The following RARB variants were observed in gnomAD, a reference collection of about 807,000 sequenced individuals.
RARB encodes the protein retinoic acid receptor beta, also known as HBV-activated protein.
RARB carries 17 observed loss-of-function variants against 51.9 expected under a neutral mutation model. The ratio of observed to expected loss-of-function variants is 0.33; its 90% CI spans 0.22 to 0.49. The LOEUF is 0.49. Among genes scored for constraint, RARB ranks in the 20% least tolerant of loss-of-function variants. The pLI is 0.99. For missense variants in RARB, 369 were observed against 550.8 expected, an observed-to-expected ratio of 0.67 and a Z score of 3.30; for synonymous variants, 215 against 195.4, an observed-to-expected ratio of 1.10 and a Z score of -0.84.
rs78996393 is a variant in RARB at position 25,480,518 on chromosome 3, C to G, written c.306+19177C>G. On this transcript the variant is annotated intron_variant, in intron 2 of 7. Coordinates refer to ENST00000330688, the MANE Select transcript of RARB (RefSeq NM_000965.5). ...GGTAGCTAAGGTAACTAACTCCCAT[C>G]TTTAACATTATCTGATTCACTAGTC... Among the ~76,000 whole-genome samples, 211 of 152,258 alleles carry G rather than the reference C, an allele frequency of 1.4e-3. 7 individuals carry two copies. The East Asian group carries it at 0.038, about 27-fold the overall frequency.
intron 1 of RARB, among the ~76,000 whole-genome samples, chr3:25,444,695 C>T (rs1370289391): frequency 2.6e-5 from 4 of 152,274 alleles, no homozygotes; most frequent in African/African-American, 9.6e-5. Context: ...TTCAATGTAT[C>T]TCCTGTAGGA....
At chr3:24,926,487 A>T (rs1267974234) in intron 2 of RARB, among the ~76,000 whole-genome samples, 1 of 152,130 alleles carries the variant, frequency 6.6e-6, no homozygotes, top group Non-Finnish European at 1.5e-5. Context: ...TGGAACCATT[A>T]TCTATAGATA....
chr3:24,910,033 A>G (rs545323022), intron 2 of RARB, among the ~76,000 whole-genome samples: 7 of 152,290 alleles, frequency 4.6e-5, no homozygotes, highest in Non-Finnish European at 8.8e-5. Context: ...GCTCCTACAT[A>G]CTAGGTATGT....
intron 5 of RARB, among the ~76,000 whole-genome samples, chr3:25,261,987 G>T (rs1703009338): frequency 1.3e-5 from 2 of 152,182 alleles, no homozygotes; most frequent in Middle Eastern, 3.4e-3. Flanking sequence ...AACATGCAAT[G>T]ATGTTTTCAA....
intron 5 of RARB, among the ~76,000 whole-genome samples, chr3:25,213,255 C>T (rs947471723): frequency 6.6e-6 from 1 of 152,178 alleles, no homozygotes; most frequent in South Asian, 2.1e-4. Flanking sequence ...GCTGTCCTGC[C>T]TTCTGACAGC....
chr3:25,506,320 T>C (rs1697595821), intron 3 of RARB, among the ~76,000 whole-genome samples: 1 of 151,982 alleles, frequency 6.6e-6, no homozygotes, highest in South Asian at 2.1e-4. Flanking sequence ...GAAAATATTT[T>C]TGAGGCCCTG....
intron 2 of RARB, among the ~76,000 whole-genome samples, chr3:24,930,917 G>T (rs1385710956): frequency 6.6e-6 from 1 of 152,108 alleles, no homozygotes; most frequent in Non-Finnish European, 1.5e-5. Context: ...CGAAGCTGAA[G>T]TGGGAGGCTT....
At chr3:25,113,623 C>T (rs1358508894) in intron 3 of RARB, among the ~76,000 whole-genome samples, 4 of 152,162 alleles carry the variant, frequency 2.6e-5, no homozygotes, top group African/African-American at 9.7e-5. Flanking sequence ...ATAATCACCA[C>T]TGAGTGCTAG....
At chr3:25,564,548 A>G (rs1700407247) in intron 3 of RARB, among the ~76,000 whole-genome samples, 1 of 152,240 alleles carries the variant, frequency 6.6e-6, no homozygotes, top group African/African-American at 2.4e-5. Context: ...AAAGAGGCTC[A>G]GGTGAACTCT....
chr3:25,335,074 T>TGCTG lies in RARB; in HGVS notation c.179-126110_179-126107dup, dbSNP rs552616215. Among the ~76,000 whole-genome samples, 200 of 152,242 alleles carry TGCTG rather than the reference T, an allele frequency of 1.3e-3. 1 individual carries two copies. The highest frequency in any genetic ancestry group is 4.7e-3 in the African/African-American group (197 of 41,544). ...GGGTGTGAATTCCAGCCCCCACCCA[T>TGCTG]GCTGGCTGGCTGACCCTGGGCAACT... is the stretch of plus-strand genomic sequence containing the variant. On this transcript the variant is annotated intron_variant, in intron 5 of 11. Transcript: ENST00000383772.
At chr3:25,462,667 T>A (rs746162451) in intron 2 of RARB, 16 of 152,274 alleles carry the variant, frequency 1.1e-4, no homozygotes, top group Non-Finnish European at 1.9e-4. Flanking sequence ...GTCAGCAGTT[T>A]CAGCCAAACT....
chr3:25,399,958 C>G (rs556839262), intron 5 of RARB, among the ~76,000 whole-genome samples: 1 of 152,302 alleles, frequency 6.6e-6, no homozygotes, highest in South Asian at 2.1e-4. Flanking sequence ...TCTCTATTTC[C>G]TTACTTGCAA....
At chr3:25,216,085 A>T (rs1027142951) in intron 5 of RARB, among the ~76,000 whole-genome samples, 4 of 152,148 alleles carry the variant, frequency 2.6e-5, no homozygotes, top group South Asian at 2.1e-4. Flanking sequence ...ATACATATGT[A>T]CTTATTGTTA....
chr3:25,362,795 G>A (rs1705989239), intron 5 of RARB, among the ~76,000 whole-genome samples: 1 of 152,140 alleles, frequency 6.6e-6, no homozygotes, highest in Non-Finnish European at 1.5e-5. Context: ...TCCTTCATGG[G>A]CTACACCCAC....
intron 2 of RARB, among the ~76,000 whole-genome samples, chr3:25,486,836 T>C (rs1696500516): frequency 6.6e-6 from 1 of 152,246 alleles, no homozygotes; most frequent in African/African-American, 2.4e-5. Context: ...TGAATCCTTG[T>C]ATCCCTCTGT....
At chr3:25,436,551 G>A (rs1708443751) in intron 1 of RARB, among the ~76,000 whole-genome samples, 1 of 152,142 alleles carries the variant, frequency 6.6e-6, no homozygotes, top group African/African-American at 2.4e-5. Flanking sequence ...CTCCTTATCA[G>A]GGGAAACAAT....
At chr3:25,193,203 C>G (rs1364257130) in intron 5 of RARB, among the ~76,000 whole-genome samples, 1 of 151,956 alleles carries the variant, frequency 6.6e-6, no homozygotes. Flanking sequence ...TTCCACTGAT[C>G]ACAACTTCTC....
chr3:25,465,509 T>C (rs1380528478), intron 2 of RARB, among the ~76,000 whole-genome samples: 1 of 152,320 alleles, frequency 6.6e-6, no homozygotes, highest in African/African-American at 2.4e-5. Flanking sequence ...GATGACCTAA[T>C]TGACTATTAT....
At chr3:25,103,022 C>T (rs1164491678) in intron 3 of RARB, among the ~76,000 whole-genome samples, 2 of 152,284 alleles carry the variant, frequency 1.3e-5, no homozygotes, top group Middle Eastern at 3.4e-3. Flanking sequence ...TGCACTAGAA[C>T]TGCTAGACTA....
Sources: gnomAD v4.1 joint callset for allele counts (sites outside exome capture counted in the v4.1 genomes callset) on GRCh38, gnomAD v4.1.1 for gene constraint, MANE v1.5 for transcripts, NCBI Gene and HGNC (gene_info 2026-07-23, HGNC 2026-07-21) for gene names.